DMD: variants seen among roughly 807,000 people sequenced by gnomAD.
DMD encodes dystrophin, also known as mutant dystrophin.
In DMD, 63 loss-of-function variants were observed where a neutral mutation model predicts 330.1. The ratio of observed to expected loss-of-function variants is 0.19; its 90% confidence interval spans 0.16 to 0.24. DMD has a LOEUF of 0.24. Ranked by LOEUF, DMD falls within the 10% of genes least tolerant of loss-of-function variation. The probability of loss-of-function intolerance (pLI) is 1.00; values close to 1 mark genes in which losing one functional copy is unlikely to be tolerated. For missense variants in DMD, 3,344 were observed against 2,684.1 expected, an observed-to-expected ratio of 1.25 and a Z score of -5.43; for synonymous variants, 1,223 against 959.8, an observed-to-expected ratio of 1.27 and a Z score of -5.07.
intron 59 of DMD, among the ~76,000 whole-genome samples, chrX:31,448,709 T>C (rs1004205050): frequency 8.9e-6 from 1 of 111,999 alleles, no homozygotes; most frequent in East Asian, 2.8e-4. Context: ...GCCATTATAT[T>C]GTGGGTTTTC....
intron 49 of DMD, among the ~76,000 whole-genome samples, chrX:31,833,055 A>G (rs1049224265): frequency 4.5e-5 from 5 of 110,898 alleles, no homozygotes; most frequent in Admixed American, 1.9e-4. Flanking sequence ...ATGGGGTGCT[A>G]TTGAGGACCT....
At chrX:32,983,574 C>CAT (rs10566224) in intron 2 of DMD, among the ~76,000 whole-genome samples, 2 of 63,952 alleles carry the variant, frequency 3.1e-5, no homozygotes, top group Non-Finnish European at 5.0e-5. Flanking sequence ...CACACACACA[C>CAT]ATATAGGAAC....
intron 1 of DMD, among the ~76,000 whole-genome samples, chrX:33,035,335 C>T (rs1165434946): frequency 3.6e-5 from 4 of 111,346 alleles, no homozygotes; most frequent in African/African-American, 1.3e-4. Context: ...GCAGCTATGC[C>T]AGAGAAAGCC....
At position 32,595,846 on chromosome X, in the gene DMD, C is replaced by T; in HGVS notation, c.1513G>A (p.Val505Ile). ...ATGTGAGTGAGAGAATTGACCCTGA[C>T]TTGTTCTTGTTCTAGATCTTCTTGA... ...VLQEDLEQEQ[V>I]RVNSLTHMVV... The change falls in exon 13 of 79, where the codon GTC (valine) becomes ATC (isoleucine). Residue 505 changes from valine to isoleucine, a missense_variant. Val to Ile is a conservative substitution (Grantham distance 29, BLOSUM62 3). Transcript: ENST00000357033. 8.3e-7 allele frequency: 1 copy of T among 1,199,367 alleles called. No individual in the cohort carries two copies. The highest frequency in any genetic ancestry group is 2.2e-5 in the Admixed American group (1 of 45,953).
At chrX:31,278,355 A>G (rs1347887121) in intron 62 of DMD, among the ~76,000 whole-genome samples, 1 of 111,469 alleles carries the variant, frequency 9.0e-6, no homozygotes, top group Non-Finnish European at 1.9e-5. Context: ...GGGCTGGAAC[A>G]TTACAAGAGA....
At chrX:31,620,233 C>G (rs1427630655) in intron 55 of DMD, among the ~76,000 whole-genome samples, 1 of 110,339 alleles carries the variant, frequency 9.1e-6, no homozygotes, top group Non-Finnish European at 1.9e-5. Flanking sequence ...TGGTATCTAT[C>G]GAGGGTAGAG....
At chrX:31,746,826 C>T (rs1433790276) in intron 51 of DMD, among the ~76,000 whole-genome samples, 1 of 110,130 alleles carries the variant, frequency 9.1e-6, no homozygotes, top group Non-Finnish European at 1.9e-5. Flanking sequence ...AGACAACATC[C>T]GAATGGAGAA....
chrX:31,218,509 GC>G (rs1569477743), intron 64 of DMD, among the ~76,000 whole-genome samples: 1 of 111,612 alleles, frequency 9.0e-6, no homozygotes, highest in Non-Finnish European at 1.9e-5. Context: ...GACCTGGAAA[GC>G]CCTTTAAACA....
chrX:33,158,491 A>G (rs1311246127), intron 1 of DMD, among the ~76,000 whole-genome samples: 2 of 111,170 alleles, frequency 1.8e-5, no homozygotes, highest in East Asian at 5.6e-4. Context: ...TCCTGATCCC[A>G]TCTGTTCCTT....
intron 36 of DMD, 59 bp from the exon 37 acceptor site, chrX:32,363,017 G>C (rs1372174888): frequency 9.3e-7 from 1 of 1,072,447 alleles, no homozygotes; most frequent in East Asian, 3.2e-5. Flanking sequence ...GGTCAAGATA[G>C]AAAAAGAGAG....
chrX:31,804,937 T>C (rs749985330), intron 50 of DMD, among the ~76,000 whole-genome samples: 4 of 109,960 alleles, frequency 3.6e-5, no homozygotes, highest in Non-Finnish European at 5.7e-5. Flanking sequence ...CCTAGTATTC[T>C]ACATCCTAGT....
At chrX:32,552,118 G>C (rs1408199440) in intron 16 of DMD, among the ~76,000 whole-genome samples, 2 of 111,602 alleles carry the variant, frequency 1.8e-5, no homozygotes, top group Non-Finnish European at 3.8e-5. Flanking sequence ...ATAAGAAAAA[G>C]ACTATTTAAA....
At chrX:33,010,210 GTATATGTACATATGTGTGTA>G (rs1335380377) in intron 2 of DMD, among the ~76,000 whole-genome samples, 8 of 46,978 alleles carry the variant, frequency 1.7e-4, no homozygotes, top group East Asian at 1.3e-3. Context: ...ATATGTGTGT[GTATATGTACATATGTGTGTA>G]TATATGTACA....
intron 7 of DMD, among the ~76,000 whole-genome samples, chrX:32,775,477 G>A (rs1374073732): frequency 8.8e-6 from 1 of 113,241 alleles, no homozygotes; most frequent in East Asian, 2.8e-4. Context: ...CATCTAGGCA[G>A]AGGTTCCCAA....
intron 30 of DMD, among the ~76,000 whole-genome samples, chrX:32,394,224 G>C (rs1003184636): frequency 8.9e-6 from 1 of 112,051 alleles, no homozygotes; most frequent in Non-Finnish European, 1.9e-5. Context: ...ATCAACAGGA[G>C]GAGAGGTGGC....
At chrX:31,646,898 G>A (rs1279782778) in intron 54 of DMD, among the ~76,000 whole-genome samples, 1 of 111,980 alleles carries the variant, frequency 8.9e-6, no homozygotes, top group Non-Finnish European at 1.9e-5. Flanking sequence ...CCTTACACAT[G>A]TATCTCATGG....
intron 61 of DMD, among the ~76,000 whole-genome samples, chrX:31,338,170 A>G (rs1248597930): frequency 1.8e-5 from 2 of 109,432 alleles, no homozygotes; most frequent in Non-Finnish European, 3.8e-5. Context: ...ACGGGAAAAT[A>G]AAAGCCCAGC....
chrX:32,736,631 T>C (rs1055535685), intron 7 of DMD, among the ~76,000 whole-genome samples: 24 of 109,528 alleles, frequency 2.2e-4, no homozygotes, highest in African/African-American at 6.1e-4. Context: ...ATGGATGAAA[T>C]TGGAAATCAT....
chrX:32,946,051 G>T (rs781514881), intron 2 of DMD, among the ~76,000 whole-genome samples: 17 of 111,123 alleles, frequency 1.5e-4, no homozygotes, highest in Non-Finnish European at 1.9e-5. Flanking sequence ...TTCATGGTTT[G>T]GAATTTTGTA....
Sources: gnomAD v4.1 joint callset for allele counts (sites outside exome capture counted in the v4.1 genomes callset) on GRCh38, gnomAD v4.1.1 for gene constraint, MANE v1.5 for transcripts, NCBI Gene and HGNC (gene_info 2026-07-23, HGNC 2026-07-21) for gene names.